Variants in PRRC2A observed in about 807,000 individuals in gnomAD.
PRRC2A encodes the protein protein PRRC2A.
Under a neutral mutation model 224.6 loss-of-function variants are expected in PRRC2A, and 59 were observed. The ratio of observed to expected loss-of-function variants is 0.26; its 90% CI spans 0.21 to 0.33. The LOEUF is 0.33. PRRC2A is among the 10% of genes least tolerant of loss of function. PRRC2A has a pLI of 1.00. For synonymous variants in PRRC2A, 1,194 were observed against 1,109.5 expected, an observed-to-expected ratio of 1.08 and a Z score of -1.51; for missense variants, 3,095 against 2,880.7, an observed-to-expected ratio of 1.07 and a Z score of -1.70.
Position 31,632,514 on chromosome 6 carries a change from G to C in PRRC2A, c.3841G>C (p.Ala1281Pro), listed in dbSNP as rs768470200. 1.9e-6 allele frequency: 3 copies of C among 1,608,884 alleles called. No individual in the cohort carries two copies. In the South Asian group the frequency reaches 3.3e-5, roughly 18 times the overall value. Residue 1281 changes from alanine (A) to proline (P), a missense_variant, in exon 16 of 31, where the codon GCC (alanine) becomes CCC (proline). Physicochemically the swap from Ala to Pro is conservative, Grantham distance 27. Around this residue, in one of 8 missense-constraint regions of PRRC2A, gnomAD observed 2,001 missense variants for 1,764.9 expected, o/e 1.13. Transcript: ENST00000376033. The stretch of plus-strand genomic sequence containing the variant: ...GGGCAAGCCCTCCCTAACCCTTCCA[G>C]CCTCCGCTCCTGGACCTGAGGAGGC... ...SEGKPSLTLPASAPGPEEALT... is the reference protein window; with the variant it reads ...SEGKPSLTLPPSAPGPEEALT...
chr6:31,631,230 C>A lies in PRRC2A; in HGVS notation c.2557C>A (p.Arg853Ser). 6.2e-7 allele frequency: 1 copy of A among 1,610,096 alleles called. No homozygotes were observed. The highest frequency in any genetic ancestry group is 8.5e-7 in the Non-Finnish European group (1 of 1,178,952). Residue 853 changes from arginine to serine, a missense_variant, in exon 16 of 31, where the codon CGC becomes AGC. Around this residue, in one of 8 missense-constraint regions of PRRC2A, gnomAD observed 2,001 missense variants for 1,764.9 expected, o/e 1.13. Coordinates refer to ENST00000376033, the MANE Select transcript of PRRC2A (RefSeq NM_004638.4). The surrounding 1 kb of genome is among the most constrained non-coding windows in gnomAD (Gnocchi z 4.5). ...ENGAPGPPIS[R>S]FPLEEPGPRP... ...TGGAGCCCCTGGGCCCCCAATCTCT[C>A]GCTTTCCTCTGGAGGAACCAGGGCC...
chr6:31,631,129 G>T lies in PRRC2A; in HGVS notation c.2466-10G>T, dbSNP rs2736160. The T allele has an allele frequency of 6.8e-7, 1 of 1,478,880 alleles. No individual in the cohort carries two copies. The highest frequency in any genetic ancestry group is 9.1e-7 in the Non-Finnish European group (1 of 1,099,718). 91.6% of individuals were successfully genotyped at this position (1,478,880 alleles called of 1,614,324 possible). ...ATACTTATTTCCATTCTTTCTGTCT[G>T]TCTCTTCAGGAGCGAGACTCCTCCA... On this transcript the variant is annotated splice_polypyrimidine_tract_variant and intron_variant, in intron 15 of 30. Transcript: ENST00000376033. The surrounding 1 kb of genome is among the most constrained non-coding windows in gnomAD (Gnocchi z 4.5).
At chr6:31,626,294 T>C in intron 9 of PRRC2A, 132 bp downstream of exon 9, 1 of 1,134,708 alleles carries the variant, frequency 8.8e-7, no homozygotes, top group Non-Finnish European at 1.2e-6. Context: ...GGCTCACATC[T>C]GTAATCCCAG....
chr6:31,634,680 G>A lies in PRRC2A; in HGVS notation c.4936-73G>A, dbSNP rs1157063076. 1.9e-6 allele frequency: 3 copies of A among 1,565,184 alleles called. No individual in the cohort carries two copies. In the Admixed American group the frequency reaches 5.0e-5, roughly 26 times the overall value. On this transcript the variant is annotated intron_variant, in intron 20 of 30. Coordinates refer to ENST00000376033, the MANE Select transcript of PRRC2A (RefSeq NM_004638.4). ...CTTGGCTGTCCCCTTTCTGCAGTTTGTATGTGTGCATCAGTCAGGTATTGG... is the reference window on the plus strand; with the variant it reads ...CTTGGCTGTCCCCTTTCTGCAGTTTATATGTGTGCATCAGTCAGGTATTGG...
rs1172831778 is a variant in PRRC2A, at chr6:31,634,619, C to T, written c.4935+62C>T. The T allele has an allele frequency of 4.4e-6, 7 of 1,593,250 alleles. No individual in the cohort carries two copies. In the African/African-American group the frequency reaches 8.1e-5, roughly 18 times the overall value. On this transcript the variant is annotated intron_variant, in intron 20 of 30. Coordinates refer to ENST00000376033, the MANE Select transcript of PRRC2A (RefSeq NM_004638.4). ...TTTTTTGAGCACTGGTCATACCCCC[C>T]ACCTGCTCTGGGTTGAGTCTGGAGC...
chr6:31,631,265 C>T lies in PRRC2A; in HGVS notation c.2592C>T (p.Leu864=). The change falls in exon 16 of 31, where the codon CTC becomes CTT. Residue 864 remains leucine (L), a synonymous_variant. Transcript: ENST00000376033. The surrounding 1 kb of genome is among the most constrained non-coding windows in gnomAD (Gnocchi z 4.5). ...FPLEEPGPRP[L]PWPPGSDEVA... is the part of the protein sequence containing the mutation. Reference sequence around the variant, plus strand: ...TGGAGGAACCAGGGCCCCGTCCACTCCCCTGGCCCCCAGGCAGTGATGAAG... The same window carrying T: ...TGGAGGAACCAGGGCCCCGTCCACTTCCCTGGCCCCCAGGCAGTGATGAAG... 6.2e-7 allele frequency: 1 copy of T among 1,612,356 alleles called. No individual in the cohort carries two copies. The highest frequency in any genetic ancestry group is 8.5e-7 in the Non-Finnish European group (1 of 1,179,758).
chr6:31,623,074 A>G (rs760798328), intron 2 of PRRC2A, 173 bp downstream of exon 2: 10 of 766,330 alleles, frequency 1.3e-5, no homozygotes, highest in Non-Finnish European at 2.4e-5. Flanking sequence ...GGTGAACACC[A>G]GTTATCCTCC....
chr6:31,633,253 A>G lies in PRRC2A; in HGVS notation c.4320-126A>G, dbSNP rs1776891168. On this transcript the variant is annotated intron_variant, in intron 16 of 30. Transcript: ENST00000376033. Reference sequence around the variant, plus strand: ...ATCTGTATGCATAGGAATCCTTAGAAGGACTCAAAAACACCTGGACTTTAA... The same window carrying G: ...ATCTGTATGCATAGGAATCCTTAGAGGGACTCAAAAACACCTGGACTTTAA... 5.8e-6 allele frequency: 8 copies of G among 1,370,850 alleles called. No homozygotes were observed. In the East Asian group the frequency reaches 1.6e-4, roughly 28 times the overall value. 84.9% of individuals were successfully genotyped at this position (1,370,850 alleles called of 1,614,324 possible).
intron 5 of PRRC2A, chr6:31,624,892 G>A (rs888996201): frequency 2.7e-5 from 14 of 522,748 alleles, no homozygotes; most frequent in Admixed American, 1.0e-4. Context: ...TCTGCCTCCT[G>A]GGTTCAAGCG....
In PRRC2A at chr6:31,624,638, A is replaced by C. The variant is rs2150496548; in HGVS notation, c.463+116A>C. 4 of 1,177,292 alleles carry C rather than the reference A, an allele frequency of 3.4e-6. No homozygotes were observed. The East Asian group carries it at 7.5e-5, about 22-fold the overall frequency. The allele number at this position is 1,177,292 out of a possible 1,614,324, so 72.9% of individuals were successfully genotyped here. A position where few individuals can be genotyped will look rare whatever the true frequency, so the allele number is the denominator to read the frequency against. ...TCTTTGGCTAAATCAAGGACCACCCATATTCAGTTTCATGGAGGCACATGA... is the reference window on the plus strand; with the variant it reads ...TCTTTGGCTAAATCAAGGACCACCCCTATTCAGTTTCATGGAGGCACATGA... On this transcript the variant is annotated intron_variant, in intron 5 of 30. Transcript: ENST00000376033.
At position 31,628,130 on chromosome 6, in the gene PRRC2A, C is replaced by T. The variant is rs1446152477; in HGVS notation, c.1656C>T (p.Ala552=). Residue 552 remains alanine, a synonymous_variant, in exon 12 of 31, where the codon GCC becomes GCT. Coordinates refer to ENST00000376033, the MANE Select transcript of PRRC2A (RefSeq NM_004638.4). ...PETEPEEPAQ[A]PPAQSTPTPG... is the part of the protein sequence containing the mutation. ...CAGAACCTGAAGAGCCAGCACAGGCCCCTCCTGCCCAATCTACTCCTACTC... is the reference window on the plus strand; with the variant it reads ...CAGAACCTGAAGAGCCAGCACAGGCTCCTCCTGCCCAATCTACTCCTACTC... The T allele has an allele frequency of 6.2e-7, 1 of 1,613,138 alleles. No individual in the cohort carries two copies. Among genetic ancestry groups the T allele is most frequent in the Non-Finnish European group, 8.5e-7 (1 of 1,180,022 alleles).
Position 31,627,112 on chromosome 6 carries a change from G to C in PRRC2A, c.1204G>C (p.Glu402Gln). 6.2e-7 allele frequency: 1 copy of C among 1,614,038 alleles called. No homozygotes were observed. The highest frequency in any genetic ancestry group is 8.5e-7 in the Non-Finnish European group (1 of 1,179,988). The change falls in exon 11 of 31, where the codon GAG becomes CAG. Residue 402 changes from glutamate (E) to glutamine (Q), a missense_variant. By Grantham distance (29) the Glu-to-Gln change is conservative. Around this residue, in one of 8 missense-constraint regions of PRRC2A, gnomAD observed 2,001 missense variants for 1,764.9 expected, o/e 1.13. Coordinates refer to ENST00000376033, the MANE Select transcript of PRRC2A (RefSeq NM_004638.4). This position sits in a 1 kb window ranked among gnomAD's most constrained non-coding sequence, Gnocchi z 5.6. ...WAETSRPPET[E>Q]PGPPAPKPPL... Reference sequence around the variant, plus strand: ...AGAAACCTCTCGGCCTCCAGAGACAGAGCCGGGACCTCCTGCCCCAAAGCC... The same window carrying C: ...AGAAACCTCTCGGCCTCCAGAGACACAGCCGGGACCTCCTGCCCCAAAGCC...
Position 31,633,987 on chromosome 6 carries a change from G to A in PRRC2A, c.4717G>A (p.Glu1573Lys). ...TCCCAGAAAACCAGAGCTGCTACAG[G>A]AGGTAAGGGATGGGTTTGAGATTGT... ...RPPRKPELLQ[E>K]ESLPPPHSSG... The change falls in exon 18 of 31, where the codon GAG becomes AAG. Residue 1573 changes from glutamate to lysine, a missense_variant and splice_region_variant. Glu to Lys is a moderately conservative substitution (Grantham distance 56, BLOSUM62 1). Coordinates refer to ENST00000376033, the MANE Select transcript of PRRC2A (RefSeq NM_004638.4). 6.2e-7 allele frequency: 1 copy of A among 1,605,350 alleles called. No individual in the cohort carries two copies. The highest frequency in any genetic ancestry group is 8.5e-7 in the Non-Finnish European group (1 of 1,178,034).
chr6:31,634,625 C>A, intron 20 of PRRC2A, 68 bp downstream of exon 20: 1 of 1,589,508 alleles, frequency 6.3e-7, no homozygotes, highest in Non-Finnish European at 8.6e-7. Flanking sequence ...CCCCCACCTG[C>A]TCTGGGTTGA....
rs1777627050 is a variant in PRRC2A, at chr6:31,637,486, G to C, written c.6374G>C (p.Trp2125Ser). 1 of 1,573,688 alleles carries C rather than the reference G, an allele frequency of 6.4e-7. No homozygotes were observed. The highest frequency in any genetic ancestry group is 8.6e-7 in the Non-Finnish European group (1 of 1,159,384). The part of the protein sequence containing the change: ...PDALRWIPKP[W>S]ERTGPPPREG... Reference sequence around the variant, plus strand: ...GCCCTGCGCTGGATACCTAAGCCTTGGGAGCGGACAGGGCCGCCACCTCGA... The same window carrying C: ...GCCCTGCGCTGGATACCTAAGCCTTCGGAGCGGACAGGGCCGCCACCTCGA... The change falls in exon 31 of 31, where the codon TGG becomes TCG. Residue 2125 changes from tryptophan to serine, a missense_variant. This residue lies in a region of PRRC2A where 662 missense variants were observed against 609.5 expected (regional missense o/e 1.09). Coordinates refer to ENST00000376033, the MANE Select transcript of PRRC2A (RefSeq NM_004638.4).
At position 31,632,871 on chromosome 6, in the gene PRRC2A, G is replaced by A; in HGVS notation, c.4198G>A (p.Gly1400Ser). The change falls in exon 16 of 31, where the codon GGC (glycine) becomes AGC (serine). Residue 1400 changes from glycine (G) to serine (S), a missense_variant. Physicochemically the swap from Gly to Ser is moderately conservative, Grantham distance 56. Coordinates refer to ENST00000376033, the MANE Select transcript of PRRC2A (RefSeq NM_004638.4). ...PGMERQNRRP[G>S]PGGKAGSSGS... ...CATGGAACGGCAGAATCGGCGCCCTGGCCCAGGGGGCAAGGCTGGCAGCAG... is the reference window on the plus strand; with the variant it reads ...CATGGAACGGCAGAATCGGCGCCCTAGCCCAGGGGGCAAGGCTGGCAGCAG... 6.2e-7 allele frequency: 1 copy of A among 1,613,052 alleles called. No individual in the cohort carries two copies. Among genetic ancestry groups the A allele is most frequent in the Non-Finnish European group, 8.5e-7 (1 of 1,179,990 alleles).
At position 31,627,219 on chromosome 6, in the gene PRRC2A, A is replaced by G; in HGVS notation, c.1290+21A>G. The G allele has an allele frequency of 6.6e-7, 1 of 1,507,078 alleles. No individual in the cohort carries two copies. The highest frequency in any genetic ancestry group is 2.3e-5 in the East Asian group (1 of 44,096). 93.4% of individuals were successfully genotyped at this position (1,507,078 alleles called of 1,614,324 possible). ...ACCCAGTGAGTGTCTCCAATAAGGG[A>G]TTGAGAGGGTCAGCTGTGGGAAATT... On this transcript the variant is annotated intron_variant, in intron 11 of 30. Coordinates refer to ENST00000376033, the MANE Select transcript of PRRC2A (RefSeq NM_004638.4). This position sits in a 1 kb window ranked among gnomAD's most constrained non-coding sequence, Gnocchi z 5.6.
rs1179870409 is a variant in PRRC2A, at chr6:31,623,235, G to A, written c.112+334G>A. 1.6e-5 allele frequency: 9 copies of A among 574,766 alleles called. No homozygotes were observed. In the Admixed American group the frequency reaches 2.1e-4, roughly 13 times the overall value. 35.6% of individuals were successfully genotyped at this position (574,766 alleles called of 1,614,324 possible). A position where few individuals can be genotyped will look rare whatever the true frequency, so the allele number is the denominator to read the frequency against. On this transcript the variant is annotated intron_variant, in intron 2 of 30. Transcript: ENST00000376033. Reference sequence around the variant, plus strand: ...AAAGTATTGAATGTTACATATCTCAGCCTTCTTGATAGGGATTTCATAGAT... The same window carrying A: ...AAAGTATTGAATGTTACATATCTCAACCTTCTTGATAGGGATTTCATAGAT...
chr6:31,630,751 A>T lies in PRRC2A; in HGVS notation c.2415A>T (p.Pro805=). The change falls in exon 15 of 31, where the codon CCA becomes CCT. Residue 805 remains proline, a synonymous_variant. Transcript: ENST00000376033. ...VFTATPAEPR[P]LTSPLRQAAD... Reference sequence around the variant, plus strand: ...CCGCCACACCCGCTGAACCCCGCCCACTTACCTCACCTCTGCGCCAGGCTG... The same window carrying T: ...CCGCCACACCCGCTGAACCCCGCCCTCTTACCTCACCTCTGCGCCAGGCTG... 6.2e-7 allele frequency: 1 copy of T among 1,614,126 alleles called. No homozygotes were observed. The highest frequency in any genetic ancestry group is 8.5e-7 in the Non-Finnish European group (1 of 1,180,020).
Sources: gnomAD v4.1 joint callset for allele counts on GRCh38, gnomAD v4.1.1 for gene constraint, gnomAD v4.1.1 regional missense constraint, Gnocchi (gnomAD v3.1) non-coding constraint, MANE v1.5 for transcripts, NCBI Gene and HGNC (gene_info 2026-07-23, HGNC 2026-07-21) for gene names.